ZNF638: variants seen among roughly 807,000 people sequenced by gnomAD.
ZNF638 encodes the protein CTCL tumor antigen se33-1.
ZNF638 carries 46 observed loss-of-function variants against 195.6 expected under a neutral mutation model. That is an observed-to-expected ratio of 0.24 (90% confidence interval 0.19 to 0.30). The LOEUF (loss-of-function observed/expected upper bound fraction) is 0.30. Ranked by LOEUF, ZNF638 falls within the 10% of genes least tolerant of loss-of-function variation. The pLI is 1.00. For missense variants in ZNF638, 2,440 were observed against 2,325.3 expected, an observed-to-expected ratio of 1.05 and a Z score of -1.01; for synonymous variants, 845 against 772.0, an observed-to-expected ratio of 1.09 and a Z score of -1.57.
chr2:71,403,973 C>T lies in ZNF638; in HGVS notation c.2933C>T (p.Pro978Leu), dbSNP rs1465489854. 2.5e-6 allele frequency: 4 copies of T among 1,611,390 alleles called. No individual in the cohort carries two copies. The highest frequency in any genetic ancestry group is 1.7e-6 in the Non-Finnish European group (2 of 1,178,812). Reference protein sequence around the residue: ...DGNQLSISMAPENMNIKDEEA... With the variant: ...DGNQLSISMALENMNIKDEEA... ...AATCAACTCTCAATAAGTATGGCTC[C>T]TGAAAACATGAATATAAAAGATGAG... Residue 978 changes from proline (P) to leucine (L), a missense_variant, in exon 17 of 28, where the codon CCT becomes CTT. Coordinates refer to ENST00000264447, the MANE Select transcript of ZNF638 (RefSeq NM_014497.5).
chr2:71,427,904 T>G (rs981978423), intron 24 of ZNF638, among the ~76,000 whole-genome samples: 1 of 152,062 alleles, frequency 6.6e-6, no homozygotes, highest in Non-Finnish European at 1.5e-5. Flanking sequence ...ATTAAGAAAA[T>G]CTTGAGGCCA....
intron 1 of ZNF638, chr2:71,334,389 G>GC (rs1242656560): frequency 6.6e-6 from 1 of 152,230 alleles, no homozygotes; most frequent in Non-Finnish European, 1.5e-5. Flanking sequence ...ATGCTGCCAT[G>GC]TAGTGGTTTT....
chr2:71,341,495 T>C (rs892909002), intron 1 of ZNF638, among the ~76,000 whole-genome samples: 15 of 151,910 alleles, frequency 9.9e-5, no homozygotes, highest in Non-Finnish European at 8.8e-5. Context: ...TACACTAAAG[T>C]AGATGAAACT....
At chr2:71,431,533 G>A in intron 26 of ZNF638, 105 bp downstream of exon 26, 1 of 886,420 alleles carries the variant, frequency 1.1e-6, no homozygotes, top group Non-Finnish European at 1.8e-6. Context: ...GCCGAGGCGG[G>A]TGGATCACTA....
chr2:71,406,680 A>G (rs753032173), intron 19 of ZNF638, among the ~76,000 whole-genome samples: 4 of 152,134 alleles, frequency 2.6e-5, no homozygotes, highest in East Asian at 1.9e-4. Context: ...AGTTAGGTCT[A>G]TTTGTTTGTT....
rs748817770 is a variant in ZNF638 at position 71,349,669 on chromosome 2, G to A, written c.715G>A (p.Glu239Lys). 2.8e-5 allele frequency: 45 copies of A among 1,614,044 alleles called. No individual in the cohort carries two copies. In the East Asian group the frequency reaches 8.2e-4, roughly 30 times the overall value. The part of the protein sequence containing the change: ...YDPEIPTDEV[E>K]NEFQSQQNIS... ...TCCTGAAATTCCAACTGATGAGGTC[G>A]AGAATGAATTTCAGTCACAGCAGAA... The change falls in exon 2 of 28, where the codon GAG (glutamate) becomes AAG (lysine). Residue 239 changes from glutamate to lysine, a missense_variant. By Grantham distance (56) the Glu-to-Lys change is moderately conservative. Transcript: ENST00000264447.
At chr2:71,431,920 A>T (rs2080674064) in intron 26 of ZNF638, among the ~76,000 whole-genome samples, 1 of 152,214 alleles carries the variant, frequency 6.6e-6, no homozygotes. Context: ...CCTGAGAAGG[A>T]TATTTTTACT....
intron 8 of ZNF638, among the ~76,000 whole-genome samples, 195 bp downstream of exon 8, chr2:71,370,200 C>A (rs113941972): frequency 2.6e-5 from 4 of 152,192 alleles, no homozygotes; most frequent in African/African-American, 9.6e-5. Flanking sequence ...TATTAAATAA[C>A]GACGACTAGG....
In ZNF638 at chr2:71,424,009, A is replaced by G. The variant is rs776149318; in HGVS notation, c.4495A>G (p.Ile1499Val). Residue 1499 changes from isoleucine (I) to valine (V), a missense_variant, in exon 22 of 28, where the codon ATC becomes GTC. Physicochemically the swap from Ile to Val is conservative, Grantham distance 29. Around this residue, in one of 5 missense-constraint regions of ZNF638, gnomAD observed 1,883 missense variants for 1,739.1 expected, o/e 1.08. Transcript: ENST00000264447. The stretch of plus-strand genomic sequence containing the variant: ...TCAGGAAACAGAGGCTAGACCTTCC[A>G]TCATGAAACGGGATGACAGCAACAA... ...QSQETEARPS[I>V]MKRDDSNNKT... 1.2e-5 allele frequency: 19 copies of G among 1,613,866 alleles called. 1 individual carries two copies. Among genetic ancestry groups the G allele is most frequent in the South Asian group, 3.3e-5 (3 of 91,078 alleles).
chr2:71,334,391 A>C (rs1306994112), intron 1 of ZNF638: 2 of 152,216 alleles, frequency 1.3e-5, no homozygotes, highest in African/African-American at 4.8e-5. Flanking sequence ...GCTGCCATGT[A>C]GTGGTTTTAG....
chr2:71,427,141 G>A lies in ZNF638; in HGVS notation c.5272G>A (p.Asp1758Asn). Residue 1758 changes from aspartate (D) to asparagine (N), a missense_variant, in exon 24 of 28, where the codon GAT becomes AAT. Physicochemically the swap from Asp to Asn is conservative, Grantham distance 23. Coordinates refer to ENST00000264447, the MANE Select transcript of ZNF638 (RefSeq NM_014497.5). Reference protein sequence around the residue: ...LVTLDEVTEEDEDSLADFNNL... With the variant: ...LVTLDEVTEENEDSLADFNNL... ...GACTTTGGATGAAGTAACTGAAGAG[G>A]ATGAAGACTCTCTGGCGGATTTTAA... is the stretch of plus-strand genomic sequence containing the variant. 6.2e-7 allele frequency: 1 copy of A among 1,613,726 alleles called. No individual in the cohort carries two copies. Among genetic ancestry groups the A allele is most frequent in the Non-Finnish European group, 8.5e-7 (1 of 1,179,898 alleles).
At chr2:71,419,110 A>G (rs74413972) in intron 21 of ZNF638, among the ~76,000 whole-genome samples, 19 of 152,328 alleles carry the variant, frequency 1.2e-4, no homozygotes, top group African/African-American at 4.6e-4. Flanking sequence ...TTATGTATAT[A>G]GTTTTGCATT....
intron 5 of ZNF638, among the ~76,000 whole-genome samples, chr2:71,364,603 A>G (rs1424093133): frequency 6.6e-6 from 1 of 152,228 alleles, no homozygotes; most frequent in African/African-American, 2.4e-5. Context: ...TAGCTCACAC[A>G]TGCATGCCCA....
intron 10 of ZNF638, chr2:71,388,267 G>A (rs1231730753): frequency 5.4e-6 from 2 of 367,948 alleles, no homozygotes; most frequent in East Asian, 1.4e-4. Context: ...GAGTGTAAAG[G>A]AATTTATCTA....
intron 10 of ZNF638, among the ~76,000 whole-genome samples, chr2:71,391,233 C>T (rs372441725): frequency 6.6e-6 from 1 of 152,210 alleles, no homozygotes; most frequent in African/African-American, 2.4e-5. Context: ...GGCTCCCTTC[C>T]CCTGTGGCAA....
At chr2:71,428,852 CAGATT>C (rs2080595296) in intron 25 of ZNF638, 1 of 423,096 alleles carries the variant, frequency 2.4e-6, no homozygotes, top group Non-Finnish European at 4.3e-6. Context: ...TAGAATGTGA[CAGATT>C]AGAGGAAATG....
rs1187447235 is a variant in ZNF638 at position 71,400,471 on chromosome 2, T to C, written c.2657-7T>C. 3 of 1,603,608 alleles carry C rather than the reference T, an allele frequency of 1.9e-6. No individual in the cohort carries two copies. Among genetic ancestry groups the C allele is most frequent in the Admixed American group, 1.7e-5 (1 of 57,170 alleles). Reference sequence around the variant, plus strand: ...CTGCATTGTTTTTAATTTTATTTTGTATTAAGATGCTGCTTTGGAGGCCAC... The same window carrying C: ...CTGCATTGTTTTTAATTTTATTTTGCATTAAGATGCTGCTTTGGAGGCCAC... On this transcript the variant is annotated splice_polypyrimidine_tract_variant and splice_region_variant and intron_variant, in intron 14 of 27. Coordinates refer to ENST00000264447, the MANE Select transcript of ZNF638 (RefSeq NM_014497.5).
intron 20 of ZNF638, among the ~76,000 whole-genome samples, chr2:71,417,011 C>G (rs1376706895): frequency 6.2e-5 from 9 of 145,798 alleles, no homozygotes; most frequent in Non-Finnish European, 1.4e-4. Context: ...CCACCCAGTT[C>G]GAGCTTCCCG....
At chr2:71,408,481 T>C (rs1433290238) in intron 20 of ZNF638, 1 of 436,540 alleles carries the variant, frequency 2.3e-6, no homozygotes, top group Non-Finnish European at 4.1e-6. Context: ...ACTGTTGACA[T>C]GTAGGTATCT....
Sources: gnomAD v4.1 joint callset for allele counts (sites outside exome capture counted in the v4.1 genomes callset) on GRCh38, gnomAD v4.1.1 for gene constraint, gnomAD v4.1.1 regional missense constraint, MANE v1.5 for transcripts, NCBI Gene and HGNC (gene_info 2026-07-23, HGNC 2026-07-21) for gene names.